The following CSTPP1 variants were observed in gnomAD, a reference collection of about 807,000 sequenced individuals.
The protein encoded by CSTPP1 is centriolar satellite-associated tubulin polyglutamylase complex regulator 1, also known as UPF0705 protein C11orf49.
At chr11:46,970,188 T>A in the CSTPP1 span, among the ~76,000 whole-genome samples, 1 of 151,976 alleles carries the variant, frequency 6.6e-6, no homozygotes, top group African/African-American at 2.4e-5. Context: ...TGTATATTAT[T>A]ATATTTAAAT....
the CSTPP1 span, among the ~76,000 whole-genome samples, chr11:47,131,005 C>T: frequency 5.9e-5 from 9 of 152,214 alleles, no homozygotes; most frequent in South Asian, 2.1e-4. Flanking sequence ...ACTCCCATGG[C>T]TTGTAGCATT....
the CSTPP1 span, among the ~76,000 whole-genome samples, chr11:47,038,058 A>G: frequency 2.0e-5 from 2 of 102,274 alleles, no homozygotes; most frequent in South Asian, 3.6e-4. Context: ...GGCCGGGCAG[A>G]GGCGCCCCTC....
the CSTPP1 span, among the ~76,000 whole-genome samples, chr11:47,006,941 C>T: frequency 6.6e-6 from 1 of 150,652 alleles, no homozygotes; most frequent in African/African-American, 2.4e-5. Flanking sequence ...AAACATTAGA[C>T]CTTTTCATAG....
At chr11:47,024,815 C>T in the CSTPP1 span, among the ~76,000 whole-genome samples, 47 of 151,990 alleles carry the variant, frequency 3.1e-4, no homozygotes, top group East Asian at 8.1e-3. Flanking sequence ...ATTAAATTCT[C>T]GTTTGTTTAT....
chr11:47,129,617 G>A, the CSTPP1 span, among the ~76,000 whole-genome samples: 1 of 152,144 alleles, frequency 6.6e-6, no homozygotes, highest in Non-Finnish European at 1.5e-5. Flanking sequence ...CCAAGGGTTC[G>A]ACACAGTATA....
the CSTPP1 span, among the ~76,000 whole-genome samples, chr11:47,158,343 G>A: frequency 6.7e-6 from 1 of 149,982 alleles, no homozygotes; most frequent in Non-Finnish European, 1.5e-5. Context: ...TTTCCAAGCT[G>A]AAAAAAAAAA....
At chr11:46,993,175 C>A in the CSTPP1 span, among the ~76,000 whole-genome samples, 2 of 152,134 alleles carry the variant, frequency 1.3e-5, no homozygotes, top group Admixed American at 6.5e-5. Flanking sequence ...AATTTTCTCC[C>A]ATTCTGTAGG....
chr11:47,066,998 T>A, the CSTPP1 span, among the ~76,000 whole-genome samples: 1 of 152,306 alleles, frequency 6.6e-6, no homozygotes, highest in East Asian at 1.9e-4. Flanking sequence ...ATGAAATTGG[T>A]TTTATTATAC....
the CSTPP1 span, among the ~76,000 whole-genome samples, chr11:47,027,807 T>C: frequency 6.6e-6 from 1 of 152,228 alleles, no homozygotes; most frequent in Non-Finnish European, 1.5e-5. Context: ...AAATTGTTTT[T>C]TAAAGAAGCC....
At chr11:46,986,842 C>G in the CSTPP1 span, among the ~76,000 whole-genome samples, 1 of 152,146 alleles carries the variant, frequency 6.6e-6, no homozygotes, top group Admixed American at 6.5e-5. Flanking sequence ...GTTTCTGATG[C>G]AGAAATGGAA....
At chr11:47,094,895 T>G in the CSTPP1 span, among the ~76,000 whole-genome samples, 1 of 152,238 alleles carries the variant, frequency 6.6e-6, no homozygotes, top group Non-Finnish European at 1.5e-5. Flanking sequence ...AAGTCCATTC[T>G]AAGCCTCAGT....
chr11:47,034,875 T>C, the CSTPP1 span, among the ~76,000 whole-genome samples: 1 of 152,190 alleles, frequency 6.6e-6, no homozygotes, highest in African/African-American at 2.4e-5. Flanking sequence ...TCCCCTGATA[T>C]CCTGATATTT....
chr11:47,103,399 CAA>C, the CSTPP1 span, among the ~76,000 whole-genome samples: 11 of 130,982 alleles, frequency 8.4e-5, no homozygotes, highest in Non-Finnish European at 7.8e-5. Flanking sequence ...GACCCTGTCT[CAA>C]AAAAAAAAAA....
the CSTPP1 span, among the ~76,000 whole-genome samples, chr11:47,115,695 T>A: frequency 6.6e-6 from 1 of 152,096 alleles, no homozygotes; most frequent in African/African-American, 2.4e-5. Flanking sequence ...ATTTGATTCT[T>A]CTCTCTTTTC....
the CSTPP1 span, among the ~76,000 whole-genome samples, chr11:47,038,006 C>T: frequency 7.3e-5 from 8 of 110,300 alleles, no homozygotes; most frequent in Middle Eastern, 5.8e-3. Context: ...CTGGACGGGG[C>T]GGCTGGCCGG....
At chr11:47,113,440 G>C in the CSTPP1 span, among the ~76,000 whole-genome samples, 1 of 152,278 alleles carries the variant, frequency 6.6e-6, no homozygotes, top group African/African-American at 2.4e-5. Flanking sequence ...CTTCCACAAT[G>C]GTTGAATTAG....
the CSTPP1 span, chr11:47,159,626 C>T: frequency 2.2e-6 from 1 of 456,268 alleles, no homozygotes. Context: ...TTTCTTCCCA[C>T]CAGTAGCAGC....
the CSTPP1 span, among the ~76,000 whole-genome samples, chr11:47,055,671 T>C: frequency 6.6e-6 from 1 of 152,204 alleles, no homozygotes; most frequent in Non-Finnish European, 1.5e-5. Context: ...GATTTCATGG[T>C]GAATTAGTAG....
At chr11:47,111,828 A>T in the CSTPP1 span, among the ~76,000 whole-genome samples, 1 of 152,206 alleles carries the variant, frequency 6.6e-6, no homozygotes, top group Admixed American at 6.5e-5. Context: ...CTTCATGTAA[A>T]TACAGATGTA....
Sources: allele counts gnomAD v4.1 joint callset (sites outside exome capture counted in the v4.1 genomes callset), GRCh38; gene constraint gnomAD v4.1.1; transcripts MANE v1.5; gene names NCBI Gene and HGNC (gene_info 2026-07-23, HGNC 2026-07-21).